CDC42BPB: variants seen among roughly 807,000 people sequenced by gnomAD.
CDC42BPB encodes CDC42 binding protein kinase beta.
A neutral mutation model predicts 214.9 loss-of-function variants in CDC42BPB; 37 were observed. That is an observed-to-expected ratio of 0.17 (90% CI 0.13 to 0.23). The LOEUF is 0.23. Ranked by LOEUF, CDC42BPB falls within the 10% of genes least tolerant of loss-of-function variation. The probability of loss-of-function intolerance (pLI) is 1.00; values close to 1 mark genes in which losing one functional copy is unlikely to be tolerated. For synonymous variants in CDC42BPB, 931 were observed against 884.0 expected, an observed-to-expected ratio of 1.05 and a Z score of -0.94; for missense variants, 1,694 against 2,227.0, an observed-to-expected ratio of 0.76 and a Z score of 4.82.
At position 102,938,084 on chromosome 14, in the gene CDC42BPB, T is replaced by G; in HGVS notation, c.5004+20A>C. The G allele has an allele frequency of 6.2e-7, 1 of 1,613,276 alleles. No individual in the cohort carries two copies. Among genetic ancestry groups the G allele is most frequent in the Admixed American group, 1.7e-5 (1 of 60,030 alleles). On this transcript the variant is annotated intron_variant, in intron 36 of 36. Coordinates refer to ENST00000361246, the MANE Select transcript of CDC42BPB (RefSeq NM_006035.4). ...CAGTGGTGGCTCATAGCCTCAGCAC[T>G]GGACCTGGGCAAGTCTCACCTCTTT... is the stretch of plus-strand genomic sequence containing the variant.
intron 36 of CDC42BPB, among the ~76,000 whole-genome samples, chr14:102,936,262 G>A (rs10146965): frequency 0.013 from 1,933 of 152,304 alleles, 46 homozygotes; most frequent in African/African-American, 0.044. Flanking sequence ...AAACCCGAAT[G>A]TGAAAACAGG....
At position 102,933,525 on chromosome 14, in the gene CDC42BPB, TG is replaced by T; in HGVS notation, c.*186del. The T allele has an allele frequency of 2.0e-6, 1 of 493,118 alleles. No individual in the cohort carries two copies. Among genetic ancestry groups the T allele is most frequent in the African/African-American group, 2.0e-5 (1 of 49,502 alleles). 30.5% of individuals were successfully genotyped at this position (493,118 alleles called of 1,614,324 possible). ...TCACAGCTGTGCAGACGAACAGATGTGGTCTACTGCCACGAACAATGCGGCA... is the reference window on the plus strand; with the variant it reads ...TCACAGCTGTGCAGACGAACAGATGTGTCTACTGCCACGAACAATGCGGCA... On this transcript the variant is annotated 3_prime_UTR_variant, in exon 37 of 37. Transcript: ENST00000361246.
intron 36 of CDC42BPB, among the ~76,000 whole-genome samples, chr14:102,935,605 C>T (rs1891615902): frequency 6.6e-6 from 1 of 151,926 alleles, no homozygotes; most frequent in African/African-American, 2.4e-5. Flanking sequence ...GTCTGGCCAA[C>T]ATGGTGAAAC....
intron 20 of CDC42BPB, among the ~76,000 whole-genome samples, chr14:102,962,512 T>C (rs544497801): frequency 1.3e-5 from 2 of 152,282 alleles, no homozygotes; most frequent in Admixed American, 6.5e-5. Flanking sequence ...GGGATACAAA[T>C]GTGTGCCTAG....
rs1286870954 is a variant in CDC42BPB, at chr14:102,950,606, G to C, written c.3173-4C>G. On this transcript the variant is annotated splice_polypyrimidine_tract_variant and splice_region_variant and intron_variant, in intron 24 of 36. Transcript: ENST00000361246. Reference sequence around the variant, plus strand: ...ACGTGGCAAGCAAAGGAACACACTGGAAGAGAGCAAGAACACTGCCTTCAA... The same window carrying C: ...ACGTGGCAAGCAAAGGAACACACTGCAAGAGAGCAAGAACACTGCCTTCAA... The C allele has an allele frequency of 3.2e-6, 5 of 1,573,832 alleles. No homozygotes were observed. Among genetic ancestry groups the C allele is most frequent in the East Asian group, 4.5e-5 (2 of 43,958 alleles).
intron 8 of CDC42BPB, chr14:102,978,432 C>A: frequency 1.5e-6 from 1 of 682,870 alleles, no homozygotes; most frequent in Non-Finnish European, 1.8e-6. Flanking sequence ...AGGAGACACA[C>A]TCTGATTTCG....
intron 1 of CDC42BPB, among the ~76,000 whole-genome samples, chr14:103,054,817 C>T (rs1471696647): frequency 1.3e-5 from 2 of 152,244 alleles, no homozygotes; most frequent in East Asian, 3.8e-4. Context: ...GTCTATGTTA[C>T]AGCACAGTTC....
chr14:103,057,441 CCCGCCGCCCTCAGCCCCGCCCGCGG>C lies in CDC42BPB; in HGVS notation c.-293_-269del. ...GCCCTCCCAGCTCGGGCGGCCCGCC[CCCGCCGCCCTCAGCCCCGCCCGCGG>C]CCGCGCCCTCCCCGCCGCCGCCGCC... On this transcript the variant is annotated 5_prime_UTR_variant, in exon 1 of 37. Coordinates refer to ENST00000361246, the MANE Select transcript of CDC42BPB (RefSeq NM_006035.4). 1 of 496,270 alleles carries C rather than the reference CCCGCCGCCCTCAGCCCCGCCCGCGG, an allele frequency of 2.0e-6. No individual in the cohort carries two copies. Among genetic ancestry groups the C allele is most frequent in the Non-Finnish European group, 2.6e-6 (1 of 384,886 alleles). The allele number at this position is 496,270 out of a possible 1,614,324, so 30.7% of individuals were successfully genotyped here. A position where few individuals can be genotyped will look rare whatever the true frequency, so the allele number is the denominator to read the frequency against.
intron 3 of CDC42BPB, 44 bp downstream of exon 3, chr14:103,008,428 C>G (rs1397537312): frequency 7.9e-7 from 1 of 1,269,932 alleles, no homozygotes; most frequent in Non-Finnish European, 1.2e-6. Flanking sequence ...ACTTTCTGCT[C>G]ACCCCAAGCC....
chr14:102,991,753 C>G (rs530755667), intron 5 of CDC42BPB, among the ~76,000 whole-genome samples: 2 of 152,134 alleles, frequency 1.3e-5, no homozygotes, highest in Non-Finnish European at 2.9e-5. Context: ...ACCGTTCTTG[C>G]AACCCTTGTA....
intron 20 of CDC42BPB, among the ~76,000 whole-genome samples, chr14:102,962,831 G>A (rs954087491): frequency 3.3e-5 from 5 of 152,070 alleles, no homozygotes; most frequent in Admixed American, 1.3e-4. Context: ...CAGCCTGGGT[G>A]ACACAGCGAG....
At chr14:103,014,671 G>C (rs935619840) in intron 1 of CDC42BPB, among the ~76,000 whole-genome samples, 6 of 152,168 alleles carry the variant, frequency 3.9e-5, no homozygotes, top group African/African-American at 1.2e-4. Context: ...AAGAGCCACA[G>C]AAGGTTCCAG....
rs1370240777 is a variant in CDC42BPB, at chr14:102,972,034, T to A, written c.1769A>T (p.Gln590Leu). 6.2e-7 allele frequency: 1 copy of A among 1,614,256 alleles called. No individual in the cohort carries two copies. The highest frequency in any genetic ancestry group is 8.5e-7 in the Non-Finnish European group (1 of 1,180,048). ...CAGCTGCCGGGACACCTTCTGCTTC[T>A]GGGCACGGAGCTCTGCCATGCGCTC... is the stretch of plus-strand genomic sequence containing the variant. ...LNERMAELRA[Q>L]KQKVSRQLRD... The change falls in exon 13 of 37, where the codon CAG becomes CTG. Residue 590 changes from glutamine to leucine, a missense_variant. By Grantham distance (113) the Gln-to-Leu change is moderately radical. Coordinates refer to ENST00000361246, the MANE Select transcript of CDC42BPB (RefSeq NM_006035.4).
chr14:103,007,557 T>C (rs1265369655), intron 3 of CDC42BPB, among the ~76,000 whole-genome samples: 4 of 151,756 alleles, frequency 2.6e-5, no homozygotes, highest in Non-Finnish European at 1.5e-5. Flanking sequence ...AATGAGGAGG[T>C]GGCCACGTCG....
intron 3 of CDC42BPB, 73 bp downstream of exon 3, chr14:103,008,399 C>A: frequency 1.0e-6 from 1 of 996,814 alleles, no homozygotes; most frequent in Non-Finnish European, 1.6e-6. Context: ...GCAGCTTTTC[C>A]CCAGCTGGCT....
At chr14:102,977,941 G>T (rs1324986378) in intron 9 of CDC42BPB, among the ~76,000 whole-genome samples, 185 bp downstream of exon 9, 1 of 152,168 alleles carries the variant, frequency 6.6e-6, no homozygotes, top group Non-Finnish European at 1.5e-5. Context: ...CCTTGCTATG[G>T]TATCACCTGT....
rs1269997853 is a variant in CDC42BPB at position 102,932,402 on chromosome 14, G to C, written c.*1310C>G. On this transcript the variant is annotated 3_prime_UTR_variant, in exon 37 of 37. Coordinates refer to ENST00000361246, the MANE Select transcript of CDC42BPB (RefSeq NM_006035.4). ...GGGAACTTTAAAACTGCCGTCTTCT[G>C]CTTTATTGACAGGTAAATTGTTCAA... 1 of 152,216 alleles carries C rather than the reference G, an allele frequency of 6.6e-6. No individual in the cohort carries two copies. The highest frequency in any genetic ancestry group is 1.5e-5 in the Non-Finnish European group (1 of 68,030). The allele number at this position is 152,216 out of a possible 1,614,324, so 9.4% of individuals were successfully genotyped here.
At chr14:102,998,652 G>A (rs373639167) in intron 5 of CDC42BPB, among the ~76,000 whole-genome samples, 9 of 152,246 alleles carry the variant, frequency 5.9e-5, no homozygotes, top group East Asian at 3.9e-4. Context: ...AGCAGGAGAC[G>A]GAGCTGCTTT....
At chr14:102,964,056 G>A (rs1893077146) in intron 19 of CDC42BPB, among the ~76,000 whole-genome samples, 1 of 152,206 alleles carries the variant, frequency 6.6e-6, no homozygotes, top group South Asian at 2.1e-4. Flanking sequence ...ACTGCTTGGA[G>A]TTAGGGAAAA....
Sources: allele counts gnomAD v4.1 joint callset (sites outside exome capture counted in the v4.1 genomes callset), GRCh38; gene constraint gnomAD v4.1.1; transcripts MANE v1.5; gene names NCBI Gene and HGNC (gene_info 2026-07-23, HGNC 2026-07-21).